Variants in ICOS observed in about 807,000 individuals in gnomAD.
The protein encoded by ICOS is inducible T-cell costimulator.
A neutral mutation model predicts 24.6 loss-of-function variants in ICOS; 15 were observed. The ratio of observed to expected loss-of-function variants is 0.61; its 90% CI spans 0.41 to 0.94. ICOS has a LOEUF of 0.94. ICOS is among the 40% of genes least tolerant of loss of function. The pLI is 0.00. For synonymous variants in ICOS, 89 were observed against 77.5 expected (o/e 1.15, Z -0.78); for missense variants, 200 against 233.0 (o/e 0.86, Z 0.92).
chr2:203,959,079 T>A (rs1167901885), intron 4 of ICOS, among the ~76,000 whole-genome samples: 1 of 152,214 alleles, frequency 6.6e-6, no homozygotes, highest in Non-Finnish European at 1.5e-5. Context: ...AGTGTACAGA[T>A]GCCTCCCAGA....
At position 203,955,634 on chromosome 2, in the gene ICOS, A is replaced by G. The variant is rs1450507221; in HGVS notation, c.59-2A>G. The G allele has an allele frequency of 1.9e-6, 3 of 1,606,402 alleles. No individual in the cohort carries two copies. The highest frequency in any genetic ancestry group is 2.6e-6 in the Non-Finnish European group (3 of 1,173,080). On this transcript the variant is annotated splice_acceptor_variant, in intron 1 of 4. Coordinates refer to ENST00000316386, the MANE Select transcript of ICOS (RefSeq NM_012092.4). LOFTEE classifies it high-confidence loss of function. ...TGCTTTGTTTTCTTTCTTTTTATGCAGGAGAAATCAATGGTTCTGCCAATT... is the reference window on the plus strand; with the variant it reads ...TGCTTTGTTTTCTTTCTTTTTATGCGGGAGAAATCAATGGTTCTGCCAATT...
intron 1 of ICOS, among the ~76,000 whole-genome samples, chr2:203,952,441 T>A (rs1487689868): frequency 6.6e-6 from 1 of 152,194 alleles, no homozygotes; most frequent in Non-Finnish European, 1.5e-5. Flanking sequence ...GTCTAATAGT[T>A]GCTCCTTGGA....
intron 1 of ICOS, among the ~76,000 whole-genome samples, chr2:203,952,750 T>C (rs1030396370): frequency 6.6e-6 from 1 of 152,210 alleles, no homozygotes. Flanking sequence ...CTACAGATAT[T>C]ATTACAAGTT....
chr2:203,956,579 T>A, intron 2 of ICOS, 80 bp from the exon 3 acceptor site: 1 of 963,862 alleles, frequency 1.0e-6, no homozygotes, highest in Non-Finnish European at 1.7e-6. Context: ...TTCATTTGAT[T>A]AAATAGCTCT....
Position 203,959,936 on chromosome 2 carries a change from G to A in ICOS, c.*337G>A, listed in dbSNP as rs1014820338. The A allele has an allele frequency of 1.5e-5, 6 of 411,260 alleles. No homozygotes were observed. The East Asian group carries it at 3.0e-4, about 21-fold the overall frequency. The allele number at this position is 411,260 out of a possible 1,614,324, so 25.5% of individuals were successfully genotyped here. A position where few individuals can be genotyped will look rare whatever the true frequency, so the allele number is the denominator to read the frequency against. ...AAACAAACACATTTACAAGAAAAAT[G>A]TTTTAAAGATGCCAGGGGTACTGAA... On this transcript the variant is annotated 3_prime_UTR_variant, in exon 5 of 5. Coordinates refer to ENST00000316386, the MANE Select transcript of ICOS (RefSeq NM_012092.4).
At chr2:203,938,149 T>C (rs968845555) in intron 1 of ICOS, among the ~76,000 whole-genome samples, 3 of 152,206 alleles carry the variant, frequency 2.0e-5, no homozygotes, top group African/African-American at 4.8e-5. Context: ...TGATTAATGA[T>C]AATTACAGGC....
chr2:203,948,889 A>G (rs1167982231), intron 1 of ICOS, among the ~76,000 whole-genome samples: 2 of 152,192 alleles, frequency 1.3e-5, no homozygotes, highest in East Asian at 1.9e-4. Flanking sequence ...AGGAACAGAA[A>G]GAAGGGCAGT....
At chr2:203,940,040 C>T (rs150809584) in intron 1 of ICOS, among the ~76,000 whole-genome samples, 1 of 152,080 alleles carries the variant, frequency 6.6e-6, no homozygotes, top group African/African-American at 2.4e-5. Context: ...TCTTTGCCTC[C>T]GGTTAATTTG....
At chr2:203,937,013 G>A in intron 1 of ICOS, 141 bp downstream of exon 1, 1 of 682,950 alleles carries the variant, frequency 1.5e-6, no homozygotes, top group Admixed American at 2.1e-5. Context: ...ATGGCCAAGG[G>A]CACCATGTCA....
chr2:203,938,170 T>C (rs1376978463), intron 1 of ICOS, among the ~76,000 whole-genome samples: 2 of 152,126 alleles, frequency 1.3e-5, no homozygotes, highest in African/African-American at 2.4e-5. Context: ...AAAACTCAAT[T>C]ATATGAGGGA....
chr2:203,953,952 T>C (rs1448809963), intron 1 of ICOS, among the ~76,000 whole-genome samples: 1 of 152,214 alleles, frequency 6.6e-6, no homozygotes, highest in Non-Finnish European at 1.5e-5. Context: ...AATATACAAA[T>C]AGTATTTCTA....
intron 1 of ICOS, among the ~76,000 whole-genome samples, chr2:203,946,464 G>T (rs544628565): frequency 4.7e-5 from 7 of 148,116 alleles, no homozygotes; most frequent in Non-Finnish European, 8.9e-5. Flanking sequence ...ATTTAGGTTA[G>T]ATTGGGTTTA....
intron 1 of ICOS, among the ~76,000 whole-genome samples, chr2:203,952,124 G>A (rs1016375193): frequency 6.6e-6 from 1 of 151,972 alleles, no homozygotes; most frequent in African/African-American, 2.4e-5. Context: ...AATCACCACA[G>A]GTCAAGAAAT....
At position 203,956,715 on chromosome 2, in the gene ICOS, G is replaced by A. The variant is rs76778263; in HGVS notation, c.451G>A (p.Val151Ile). ...GTTACCCATAGGATGTGCAGCCTTT[G>A]TTGTAGTCTGCATTTTGGGATGCAT... Reference protein sequence around the residue: ...FWLPIGCAAFVVVCILGCILI... With the variant: ...FWLPIGCAAFIVVCILGCILI... Residue 151 changes from valine to isoleucine, a missense_variant, in exon 3 of 5, where the codon GTT becomes ATT. Transcript: ENST00000316386. 6 of 1,613,404 alleles carry A rather than the reference G, an allele frequency of 3.7e-6. No individual in the cohort carries two copies. Among genetic ancestry groups the A allele is most frequent in the African/African-American group, 2.7e-5 (2 of 74,900 alleles).
intron 1 of ICOS, among the ~76,000 whole-genome samples, chr2:203,949,028 T>G (rs1255396426): frequency 6.6e-6 from 1 of 152,210 alleles, no homozygotes; most frequent in Non-Finnish European, 1.5e-5. Context: ...GGAGGTTTTA[T>G]AAGCAGAACA....
chr2:203,945,680 A>G (rs1421949759), intron 1 of ICOS, among the ~76,000 whole-genome samples: 1 of 152,182 alleles, frequency 6.6e-6, no homozygotes, highest in African/African-American at 2.4e-5. Flanking sequence ...TGTGTAACTA[A>G]ACACATAAAA....
At chr2:203,946,451 G>T (rs1337675981) in intron 1 of ICOS, among the ~76,000 whole-genome samples, 1 of 148,170 alleles carries the variant, frequency 6.7e-6, no homozygotes, top group Non-Finnish European at 1.5e-5. Context: ...CCAAATGTTA[G>T]GCATTTAGGT....
At chr2:203,948,263 C>A (rs1239234095) in intron 1 of ICOS, among the ~76,000 whole-genome samples, 1 of 152,006 alleles carries the variant, frequency 6.6e-6, no homozygotes, top group Non-Finnish European at 1.5e-5. Flanking sequence ...AGAAGAAAAG[C>A]AATAATATGG....
Position 203,956,649 on chromosome 2 carries a change from TC to T in ICOS, c.395-8del. On this transcript the variant is annotated splice_polypyrimidine_tract_variant and intron_variant, in intron 2 of 4. Transcript: ENST00000316386. ...AATTTTTCATTAACATACCTTTTTT[TC>T]CAATCCAGAATCACAACTTTGTTGC... The T allele has an allele frequency of 6.2e-7, 1 of 1,601,806 alleles. No homozygotes were observed. Among genetic ancestry groups the T allele is most frequent in the Non-Finnish European group, 8.6e-7 (1 of 1,168,866 alleles).
Sources: allele counts gnomAD v4.1 joint callset (sites outside exome capture counted in the v4.1 genomes callset), GRCh38; gene constraint gnomAD v4.1.1; transcripts MANE v1.5; gene names NCBI Gene and HGNC (gene_info 2026-07-23, HGNC 2026-07-21).